The following LRP12 variants were observed in gnomAD, a reference collection of about 807,000 sequenced individuals.
The protein encoded by LRP12 is low-density lipoprotein receptor-related protein 12.
A neutral mutation model predicts 66.0 loss-of-function variants in LRP12; 14 were observed. The ratio of observed to expected loss-of-function variants is 0.21; its 90% confidence interval spans 0.14 to 0.33. The LOEUF (loss-of-function observed/expected upper bound fraction) is 0.33. Among genes scored for constraint, LRP12 ranks in the 10% least tolerant of loss-of-function variants. LRP12 has a pLI of 1.00. For missense variants in LRP12, 889 were observed against 1,053.4 expected, an observed-to-expected ratio of 0.84 and a Z score of 2.16; for synonymous variants, 357 against 359.1, an observed-to-expected ratio of 0.99 and a Z score of 0.07.
At chr8:104,557,626 C>A (rs115231148) in intron 1 of LRP12, among the ~76,000 whole-genome samples, 4,649 of 151,880 alleles carry the variant, frequency 0.031, 239 homozygotes, top group African/African-American at 0.11. Flanking sequence ...ACAGACCACA[C>A]AAACAAAAGG....
chr8:104,557,078 C>A (rs1564144528), intron 1 of LRP12, among the ~76,000 whole-genome samples: 1 of 152,254 alleles, frequency 6.6e-6, no homozygotes, highest in East Asian at 1.9e-4. Context: ...ATAATTAAAA[C>A]CCGCAGTGGA....
intron 1 of LRP12, among the ~76,000 whole-genome samples, chr8:104,550,245 G>A (rs567400111): frequency 6.6e-6 from 1 of 152,280 alleles, no homozygotes; most frequent in African/African-American, 2.4e-5. Flanking sequence ...GGTAACAAAA[G>A]TGGCAAGTGG....
intron 1 of LRP12, among the ~76,000 whole-genome samples, chr8:104,535,481 CTTTA>C (rs1055864053): frequency 1.3e-5 from 2 of 151,920 alleles, no homozygotes; most frequent in African/African-American, 4.8e-5. Flanking sequence ...ATCCCTGTTG[CTTTA>C]TTAACTTTGT....
chr8:104,531,630 A>T (rs548165084), intron 2 of LRP12, among the ~76,000 whole-genome samples: 1 of 152,236 alleles, frequency 6.6e-6, no homozygotes, highest in East Asian at 1.9e-4. Flanking sequence ...GAAAATACTA[A>T]TTCAACTTGA....
chr8:104,582,224 G>A (rs1302169557), intron 1 of LRP12, among the ~76,000 whole-genome samples: 1 of 152,084 alleles, frequency 6.6e-6, no homozygotes, highest in African/African-American at 2.4e-5. Context: ...GACAAAACAT[G>A]AGCATAAAAC....
chr8:104,564,647 T>C (rs1327402101), intron 1 of LRP12, among the ~76,000 whole-genome samples: 1 of 151,560 alleles, frequency 6.6e-6, no homozygotes, highest in Non-Finnish European at 1.5e-5. Context: ...AAAAGAAAAT[T>C]AGGCTGGGTG....
intron 2 of LRP12, among the ~76,000 whole-genome samples, chr8:104,514,951 G>C (rs1158234716): frequency 6.6e-6 from 1 of 152,138 alleles, no homozygotes; most frequent in Non-Finnish European, 1.5e-5. Flanking sequence ...GTGAGAAAGA[G>C]GACAGTGACT....
At chr8:104,585,374 T>C (rs1432767349) in intron 1 of LRP12, among the ~76,000 whole-genome samples, 1 of 152,112 alleles carries the variant, frequency 6.6e-6, no homozygotes, top group Non-Finnish European at 1.5e-5. Context: ...TACAGGCATG[T>C]ACCAGCACAC....
intron 2 of LRP12, 103 bp from the exon 3 acceptor site, chr8:104,509,177 A>G (rs1242524971): frequency 3.3e-6 from 3 of 897,104 alleles, no homozygotes; most frequent in Non-Finnish European, 5.0e-6. Context: ...TACACATCAA[A>G]TAATAACCAA....
intron 1 of LRP12, among the ~76,000 whole-genome samples, chr8:104,551,688 T>C (rs1281646411): frequency 1.3e-5 from 2 of 152,314 alleles, no homozygotes; most frequent in Non-Finnish European, 2.9e-5. Flanking sequence ...AAAGTCATGA[T>C]TTTGTTCTTT....
At chr8:104,556,383 T>C (rs750147550) in intron 1 of LRP12, among the ~76,000 whole-genome samples, 24 of 151,926 alleles carry the variant, frequency 1.6e-4, no homozygotes, top group Admixed American at 2.6e-4. Context: ...ATAAATAAAA[T>C]TAACAGACCA....
intron 1 of LRP12, among the ~76,000 whole-genome samples, chr8:104,576,019 C>T (rs1200823411): frequency 6.6e-6 from 1 of 152,000 alleles, no homozygotes; most frequent in African/African-American, 2.4e-5. Context: ...AGGAAAGAAT[C>T]TCAGAGCTTG....
chr8:104,499,815 T>C (rs1002578682), intron 3 of LRP12, among the ~76,000 whole-genome samples: 4 of 151,902 alleles, frequency 2.6e-5, no homozygotes, highest in South Asian at 2.1e-4. Context: ...GTGTGTACGG[T>C]TGGGAAAGAC....
intron 2 of LRP12, among the ~76,000 whole-genome samples, chr8:104,528,890 T>C (rs1000181546): frequency 3.3e-5 from 5 of 152,334 alleles, no homozygotes; most frequent in Non-Finnish European, 5.9e-5. Context: ...TCATGTATTA[T>C]TCTTCTCATT....
chr8:104,525,267 C>T (rs932242655), intron 2 of LRP12, among the ~76,000 whole-genome samples: 1 of 151,878 alleles, frequency 6.6e-6, no homozygotes, highest in African/African-American at 2.4e-5. Context: ...AAAATAAGTA[C>T]AAAAATTAAG....
intron 2 of LRP12, among the ~76,000 whole-genome samples, chr8:104,531,420 T>C (rs1811323137): frequency 6.6e-6 from 1 of 152,128 alleles, no homozygotes; most frequent in South Asian, 2.1e-4. Flanking sequence ...ACCACAATGA[T>C]GAATTTCTGA....
chr8:104,528,603 C>G (rs1003708212), intron 2 of LRP12, among the ~76,000 whole-genome samples: 7 of 151,972 alleles, frequency 4.6e-5, no homozygotes, highest in African/African-American at 1.5e-4. Flanking sequence ...AGTGAAACCA[C>G]GTCTCTATTA....
intron 5 of LRP12, 29 bp from the exon 6 acceptor site, chr8:104,495,238 T>C: frequency 6.3e-7 from 1 of 1,597,238 alleles, no homozygotes; most frequent in Non-Finnish European, 8.5e-7. Context: ...AGAAAAATGA[T>C]TAAAAGGGGG....
intron 1 of LRP12, 114 bp downstream of exon 1, chr8:104,588,705 C>T (rs1367044652): frequency 2.5e-6 from 2 of 789,926 alleles, no homozygotes; most frequent in East Asian, 3.1e-5. Flanking sequence ...TTTGTCCCGC[C>T]GGTAGCCAGG....
Sources: gnomAD v4.1 joint callset for allele counts (sites outside exome capture counted in the v4.1 genomes callset) on GRCh38, gnomAD v4.1.1 for gene constraint, MANE v1.5 for transcripts, NCBI Gene and HGNC (gene_info 2026-07-23, HGNC 2026-07-21) for gene names.